NCOA2: variants seen among roughly 807,000 people sequenced by gnomAD.
NCOA2 encodes nuclear receptor coactivator 2.
Under a neutral mutation model 145.1 loss-of-function variants are expected in NCOA2, and 21 were observed. That is an observed-to-expected ratio of 0.14 (90% CI 0.10 to 0.21). NCOA2 has a LOEUF of 0.21. Among genes scored for constraint, NCOA2 ranks in the 10% least tolerant of loss-of-function variants. The probability of loss-of-function intolerance (pLI) is 1.00; values close to 1 mark genes in which losing one functional copy is unlikely to be tolerated. For missense variants in NCOA2, 1,472 were observed against 1,837.6 expected, an observed-to-expected ratio of 0.80 and a Z score of 3.64; for synonymous variants, 619 against 637.5, an observed-to-expected ratio of 0.97 and a Z score of 0.44.
chr8:70,358,521 T>C (rs1001280852), intron 1 of NCOA2, among the ~76,000 whole-genome samples: 10 of 152,190 alleles, frequency 6.6e-5, no homozygotes, highest in African/African-American at 2.2e-4. Context: ...GAATGGTCTA[T>C]TCAACATGTG....
chr8:70,285,385 A>T (rs894425298), intron 2 of NCOA2, among the ~76,000 whole-genome samples: 1 of 152,178 alleles, frequency 6.6e-6, no homozygotes, highest in African/African-American at 2.4e-5. Context: ...GATAACCAAG[A>T]GTCATTTTCC....
chr8:70,366,063 C>A (rs967101611), intron 1 of NCOA2, among the ~76,000 whole-genome samples: 2 of 152,180 alleles, frequency 1.3e-5, no homozygotes, highest in Non-Finnish European at 2.9e-5. Context: ...GCTAACAAAG[C>A]CATGAGCATG....
intron 11 of NCOA2, among the ~76,000 whole-genome samples, chr8:70,151,456 T>A (rs1317242459): frequency 6.6e-6 from 1 of 152,080 alleles, no homozygotes; most frequent in East Asian, 1.9e-4. Context: ...CCTGGCTCAT[T>A]TTCGCATTTT....
At position 70,128,468 on chromosome 8, in the gene NCOA2, C is replaced by A; in HGVS notation, c.3646G>T (p.Val1216Leu). The A allele has an allele frequency of 6.2e-7, 1 of 1,612,936 alleles. No homozygotes were observed. Among genetic ancestry groups the A allele is most frequent in the Non-Finnish European group, 8.5e-7 (1 of 1,179,472 alleles). The change falls in exon 18 of 23, where the codon GTG (valine) becomes TTG (leucine). Residue 1216 changes from valine to leucine, a missense_variant. Around this residue, in one of 4 missense-constraint regions of NCOA2, gnomAD observed 953 missense variants for 1,062.1 expected, o/e 0.90. Transcript: ENST00000452400. The part of the protein sequence containing the change: ...LMNQISNVSN[V>L]NLTLRPGVPT... Reference sequence around the variant, plus strand: ...ACTCCAGGCCTCAGAGTCAAGTTCACATTGGAAACATTGCTGATTTGATTC... The same window carrying A: ...ACTCCAGGCCTCAGAGTCAAGTTCAAATTGGAAACATTGCTGATTTGATTC...
At chr8:70,444,823 T>C in the NCOA2 span, among the ~76,000 whole-genome samples, 1 of 152,218 alleles carries the variant, frequency 6.6e-6, no homozygotes, top group Non-Finnish European at 1.5e-5. Context: ...TATTTTTAAT[T>C]CTGAAGGGGC....
At chr8:70,411,910 G>C in the NCOA2 span, among the ~76,000 whole-genome samples, 1 of 152,186 alleles carries the variant, frequency 6.6e-6, no homozygotes, top group East Asian at 1.9e-4. Flanking sequence ...AGGTTACATG[G>C]ACATGTTGAT....
chr8:70,402,336 GT>G (rs1814356201), intron 1 of NCOA2: 1 of 152,358 alleles, frequency 6.6e-6, no homozygotes, highest in Admixed American at 6.5e-5. Context: ...GTTTGGGAAA[GT>G]TTCCCCTACC....
intron 2 of NCOA2, among the ~76,000 whole-genome samples, chr8:70,278,937 G>T (rs1825673802): frequency 6.6e-6 from 1 of 150,716 alleles, no homozygotes; most frequent in Non-Finnish European, 1.5e-5. Flanking sequence ...CTGCACTCCA[G>T]CCTGGGCAAC....
chr8:70,285,848 G>A (rs551582590), intron 2 of NCOA2, among the ~76,000 whole-genome samples: 1 of 152,138 alleles, frequency 6.6e-6, no homozygotes, highest in Non-Finnish European at 1.5e-5. Context: ...AGTTCCATTT[G>A]TATCACTAGA....
intron 14 of NCOA2, 57 bp downstream of exon 14, chr8:70,141,127 C>T: frequency 6.6e-7 from 1 of 1,504,386 alleles, no homozygotes; most frequent in Non-Finnish European, 9.1e-7. Flanking sequence ...ACTTATGACG[C>T]TCTCTTTTCT....
At chr8:70,298,403 T>C (rs149065359) in intron 1 of NCOA2, among the ~76,000 whole-genome samples, 5 of 152,208 alleles carry the variant, frequency 3.3e-5, no homozygotes, top group Non-Finnish European at 7.4e-5. Flanking sequence ...AGATACTTCA[T>C]GAAAAACAAA....
At position 70,331,543 on chromosome 8, in the gene NCOA2, A is replaced by G. The variant is rs1293645889; in HGVS notation, c.-76-34743T>C. 8.5e-5 allele frequency among the ~76,000 whole-genome samples: 13 copies of G among 152,246 alleles called. No homozygotes were observed. In the East Asian group the frequency reaches 2.5e-3, roughly 29 times the overall value. ...ATATTCCTTACGTTAAAATGTCTAAAATTAATGCTATGTATTAATTTATGT... is the reference window on the plus strand; with the variant it reads ...ATATTCCTTACGTTAAAATGTCTAAGATTAATGCTATGTATTAATTTATGT... On this transcript the variant is annotated intron_variant, in intron 1 of 22. Coordinates refer to ENST00000452400, the MANE Select transcript of NCOA2 (RefSeq NM_006540.4).
Position 70,128,903 on chromosome 8 carries a change from T to C in NCOA2, c.3402A>G (p.Pro1134=), listed in dbSNP as rs918122201. ...TTTGTGCCTGAGATGCATACTGCTG[T>C]GGGAAAACGGGCGCCTTCTGCTCCA... is the stretch of plus-strand genomic sequence containing the variant. ...IMLEQKAPVF[P]QQYASQAQMA... The change falls in exon 17 of 23, where the codon CCA becomes CCG. Residue 1134 remains proline (P), a synonymous_variant. Transcript: ENST00000452400. The C allele has an allele frequency of 1.2e-6, 2 of 1,613,590 alleles. No homozygotes were observed. Among genetic ancestry groups the C allele is most frequent in the Non-Finnish European group, 1.7e-6 (2 of 1,179,688 alleles).
the NCOA2 span, among the ~76,000 whole-genome samples, chr8:70,455,257 G>C: frequency 0.23 from 35,614 of 152,132 alleles, 4,713 homozygotes; most frequent in East Asian, 0.35. Flanking sequence ...TCTTGGGTTG[G>C]CTCTGAAGAA....
intron 1 of NCOA2, among the ~76,000 whole-genome samples, chr8:70,395,992 G>A (rs973752193): frequency 3.3e-5 from 5 of 152,164 alleles, no homozygotes; most frequent in Non-Finnish European, 7.4e-5. Flanking sequence ...AAAGCTCTCC[G>A]CGCTCCGTGC....
At chr8:70,402,769 C>A (rs1048323589) in intron 1 of NCOA2, among the ~76,000 whole-genome samples, 2 of 151,816 alleles carry the variant, frequency 1.3e-5, no homozygotes, top group Non-Finnish European at 2.9e-5. Flanking sequence ...CCTCCCGGTC[C>A]GCCTCCCGCC....
At chr8:70,237,071 C>T (rs1415834846) in intron 2 of NCOA2, among the ~76,000 whole-genome samples, 1 of 152,198 alleles carries the variant, frequency 6.6e-6, no homozygotes, top group African/African-American at 2.4e-5. Flanking sequence ...ACTTAATATT[C>T]ATGGAATAAA....
chr8:70,324,318 T>C (rs575180052), intron 1 of NCOA2, among the ~76,000 whole-genome samples: 2 of 152,218 alleles, frequency 1.3e-5, no homozygotes, highest in Non-Finnish European at 2.9e-5. Flanking sequence ...TATAAAAAAG[T>C]TGTATTAATA....
chr8:70,186,626 A>C (rs1816098232), intron 4 of NCOA2, among the ~76,000 whole-genome samples: 1 of 152,240 alleles, frequency 6.6e-6, no homozygotes, highest in African/African-American at 2.4e-5. Context: ...AAGATCAAAA[A>C]TATGCTACTA....
Sources: allele counts gnomAD v4.1 joint callset (sites outside exome capture counted in the v4.1 genomes callset), GRCh38; gene constraint gnomAD v4.1.1; regional missense constraint gnomAD v4.1.1; transcripts MANE v1.5; gene names NCBI Gene and HGNC (gene_info 2026-07-23, HGNC 2026-07-21).